Variants in GAS7 observed in about 807,000 individuals in gnomAD.
GAS7 encodes growth arrest-specific protein 7.
Under a neutral mutation model 71.1 loss-of-function variants are expected in GAS7, and 28 were observed. The observed-to-expected ratio is 0.39, with a 90% confidence interval of 0.29 to 0.54. GAS7 has a LOEUF of 0.54. Ranked by LOEUF, GAS7 falls within the 20% of genes least tolerant of loss-of-function variation. GAS7 has a pLI of 0.62. For missense variants in GAS7, 436 were observed against 627.8 expected, an observed-to-expected ratio of 0.69 and a Z score of 3.27; for synonymous variants, 258 against 245.8, an observed-to-expected ratio of 1.05 and a Z score of -0.46.
chr17:9,926,942 G>T lies in GAS7; in HGVS notation c.886-173C>A. The T allele has an allele frequency of 4.6e-6, 3 of 649,702 alleles. No homozygotes were observed. The South Asian group carries it at 5.3e-5, about 11-fold the overall frequency. The allele number at this position is 649,702 out of a possible 1,614,324, so 40.2% of individuals were successfully genotyped here. On this transcript the variant is annotated intron_variant, in intron 9 of 13. Coordinates refer to ENST00000432992, the MANE Select transcript of GAS7 (RefSeq NM_201433.2). The surrounding 1 kb of genome is among the most constrained non-coding windows in gnomAD (Gnocchi z 5.0). Reference sequence around the variant, plus strand: ...CCCCTGACACGTGGCTGCCTATCAGGTCTCAGCTTAGGCAGGTCACCTTAG... The same window carrying T: ...CCCCTGACACGTGGCTGCCTATCAGTTCTCAGCTTAGGCAGGTCACCTTAG...
intron 3 of GAS7, among the ~76,000 whole-genome samples, chr17:9,970,169 C>A (rs2069901625): frequency 6.6e-6 from 1 of 152,284 alleles, no homozygotes; most frequent in East Asian, 1.9e-4. Context: ...AACAATTTCC[C>A]TCAGCTTTCT....
At chr17:9,973,089 G>A (rs2070033558) in intron 3 of GAS7, among the ~76,000 whole-genome samples, 1 of 152,088 alleles carries the variant, frequency 6.6e-6, no homozygotes, top group African/African-American at 2.4e-5. Flanking sequence ...AGAAATTAAC[G>A]AGTCAGGAAA....
At chr17:10,191,124 G>A (rs533698597) in intron 1 of GAS7, among the ~76,000 whole-genome samples, 3 of 147,466 alleles carry the variant, frequency 2.0e-5, no homozygotes, top group Non-Finnish European at 3.0e-5. Context: ...ACAGTGAGCC[G>A]AGATCACGCC....
chr17:10,143,199 T>C (rs181010155), intron 1 of GAS7, among the ~76,000 whole-genome samples: 1 of 151,128 alleles, frequency 6.6e-6, no homozygotes, highest in Non-Finnish European at 1.5e-5. Flanking sequence ...ACAAAAAAAA[T>C]CTGTATGTTG....
chr17:10,138,819 C>T (rs752933683), intron 1 of GAS7, among the ~76,000 whole-genome samples: 8 of 152,036 alleles, frequency 5.3e-5, no homozygotes, highest in Non-Finnish European at 1.2e-4. Context: ...GAACTAGAAT[C>T]GAGGTTTCCA....
At chr17:10,003,745 C>T (rs547577576) in intron 2 of GAS7, among the ~76,000 whole-genome samples, 1 of 152,336 alleles carries the variant, frequency 6.6e-6, no homozygotes, top group East Asian at 1.9e-4. Flanking sequence ...GACCCTCATG[C>T]CATCTCAGTG....
chr17:9,940,561 T>C (rs973312420), intron 7 of GAS7, among the ~76,000 whole-genome samples: 9 of 152,166 alleles, frequency 5.9e-5, no homozygotes, highest in African/African-American at 1.4e-4. Flanking sequence ...TTGCAACTCG[T>C]GATGGACTAC....
chr17:9,991,201 C>A (rs1196836214), intron 2 of GAS7, among the ~76,000 whole-genome samples: 1 of 152,204 alleles, frequency 6.6e-6, no homozygotes, highest in East Asian at 1.9e-4. Flanking sequence ...CTGCCTCACC[C>A]CTCCTTTTGA....
intron 1 of GAS7, among the ~76,000 whole-genome samples, chr17:10,071,653 A>C (rs1225581293): frequency 6.6e-6 from 1 of 152,222 alleles, no homozygotes; most frequent in Non-Finnish European, 1.5e-5. Context: ...GGCCAGGCGC[A>C]GTGGCTCATG....
chr17:10,063,981 C>T (rs984736078), intron 1 of GAS7, among the ~76,000 whole-genome samples: 2 of 152,194 alleles, frequency 1.3e-5, no homozygotes, highest in Non-Finnish European at 2.9e-5. Flanking sequence ...CATTTTAGCA[C>T]GAGCGCTCGT....
At chr17:10,016,254 A>G (rs144968385) in intron 2 of GAS7, among the ~76,000 whole-genome samples, 9,072 of 151,996 alleles carry the variant, frequency 0.06, 477 homozygotes, top group African/African-American at 0.13. Context: ...GTGTGGTGGC[A>G]GGCACCTGTA....
chr17:9,972,302 A>G (rs7216708), intron 3 of GAS7, among the ~76,000 whole-genome samples: 99,217 of 152,078 alleles, frequency 0.65, 32,951 homozygotes, highest in African/African-American at 0.78. Context: ...GAGGGGGCCA[A>G]GGAGAATCCA....
intron 1 of GAS7, among the ~76,000 whole-genome samples, chr17:10,168,576 G>C (rs1270176303): frequency 6.6e-6 from 1 of 152,220 alleles, no homozygotes; most frequent in Admixed American, 6.5e-5. Context: ...GTAGGCCCTA[G>C]GATGTTGTTA....
In GAS7 at chr17:9,969,651, A is replaced by G. The variant is rs530079395; in HGVS notation, c.471+26T>C. 9.3e-6 allele frequency: 13 copies of G among 1,394,638 alleles called. 1 individual carries two copies. Among genetic ancestry groups the G allele is most frequent in the Middle Eastern group, 1.8e-4 (1 of 5,628 alleles). The allele number at this position is 1,394,638 out of a possible 1,614,324, so 86.4% of individuals were successfully genotyped here. On this transcript the variant is annotated intron_variant, in intron 4 of 13. Transcript: ENST00000432992. This position sits in a 1 kb window ranked among gnomAD's most constrained non-coding sequence, Gnocchi z 5.5. ...TAGGCCTGCAGAAGCAGTGACCGCTATACCTCCCTCAACAGGACCCCTTAC... is the reference window on the plus strand; with the variant it reads ...TAGGCCTGCAGAAGCAGTGACCGCTGTACCTCCCTCAACAGGACCCCTTAC...
chr17:10,104,591 G>A (rs2073739538), intron 1 of GAS7, among the ~76,000 whole-genome samples: 1 of 152,124 alleles, frequency 6.6e-6, no homozygotes, highest in African/African-American at 2.4e-5. Flanking sequence ...GGAATCTAAC[G>A]AATCTAATGA....
intron 1 of GAS7, among the ~76,000 whole-genome samples, chr17:10,163,642 G>A (rs774038429): frequency 6.6e-6 from 1 of 152,070 alleles, no homozygotes; most frequent in Non-Finnish European, 1.5e-5. Flanking sequence ...TCTTCCACCT[G>A]GGTTGGGGGA....
At chr17:10,073,603 C>T (rs537122046) in intron 1 of GAS7, among the ~76,000 whole-genome samples, 15 of 152,338 alleles carry the variant, frequency 9.8e-5, no homozygotes, top group East Asian at 3.9e-4. Flanking sequence ...CTACATCAGA[C>T]TGTATAACAA....
chr17:9,929,772 C>T (rs1415540361), intron 9 of GAS7, among the ~76,000 whole-genome samples: 1 of 151,980 alleles, frequency 6.6e-6, no homozygotes, highest in Non-Finnish European at 1.5e-5. Flanking sequence ...CCACTGTGCC[C>T]GACGATATTA....
At chr17:10,105,715 T>A (rs997804211) in intron 1 of GAS7, among the ~76,000 whole-genome samples, 3 of 152,188 alleles carry the variant, frequency 2.0e-5, no homozygotes, top group Non-Finnish European at 4.4e-5. Flanking sequence ...CCCAATCGCA[T>A]GAGCCCGTGT....
Sources: gnomAD v4.1 joint callset for allele counts (sites outside exome capture counted in the v4.1 genomes callset) on GRCh38, gnomAD v4.1.1 for gene constraint, Gnocchi (gnomAD v3.1) non-coding constraint, MANE v1.5 for transcripts, NCBI Gene and HGNC (gene_info 2026-07-23, HGNC 2026-07-21) for gene names.